The following GAR1 variants were observed in gnomAD, a reference collection of about 807,000 sequenced individuals.
GAR1 encodes the protein H/ACA ribonucleoprotein complex subunit 1.
GAR1 carries 11 observed loss-of-function variants against 29.3 expected under a neutral mutation model. The ratio of observed to expected loss-of-function variants is 0.38; its 90% confidence interval spans 0.24 to 0.62. The LOEUF (loss-of-function observed/expected upper bound fraction) is 0.62, where lower values mean the gene tolerates loss of function less well. Among genes scored for constraint, GAR1 ranks in the 20% least tolerant of loss-of-function variants. GAR1 has a pLI of 0.62. For missense variants in GAR1, 237 were observed against 268.4 expected, an observed-to-expected ratio of 0.88 and a Z score of 0.82; for synonymous variants, 87 against 93.3, an observed-to-expected ratio of 0.93 and a Z score of 0.39.
chr4:109,819,057 GA>G lies in GAR1; in HGVS notation c.428del (p.Lys143SerfsTer4). 1.4e-6 allele frequency: 2 copies of G among 1,476,134 alleles called. No homozygotes were observed. The highest frequency in any genetic ancestry group is 1.9e-6 in the Non-Finnish European group (2 of 1,055,104). The allele number at this position is 1,476,134 out of a possible 1,614,324, so 91.4% of individuals were successfully genotyped here. ...AGGCTTCATCCTTTAAAAAACTACAGAAGGTGAGTCAAACTTATGATACTTG... is the reference window on the plus strand; with the variant it reads ...AGGCTTCATCCTTTAAAAAACTACAGAGGTGAGTCAAACTTATGATACTTG... ...MKASSFKKLQ[K>X]FYIDPYKLLP... On this transcript the variant is annotated frameshift_variant and splice_region_variant, in exon 4 of 7. Transcript: ENST00000226796. LOFTEE classifies it high-confidence loss of function.
At chr4:109,818,234 G>A (rs1007542869) in intron 3 of GAR1, 144 bp downstream of exon 3, 9 of 628,850 alleles carry the variant, frequency 1.4e-5, no homozygotes, top group African/African-American at 5.5e-5. Flanking sequence ...GGAGAATCAA[G>A]GGGAGAATGT....
chr4:109,822,214 C>T, intron 4 of GAR1, 133 bp from the exon 5 acceptor site: 2 of 539,140 alleles, frequency 3.7e-6, no homozygotes, highest in Non-Finnish European at 6.5e-6. Context: ...AGTCTCTACC[C>T]AGGGATATGT....
rs769180978 is a variant in GAR1 at position 109,823,989 on chromosome 4, G to T, written c.596G>T (p.Gly199Val). Residue 199 changes from glycine to valine, a missense_variant, in exon 6 of 7, where the codon GGT becomes GTT. Physicochemically the swap from Gly to Val is moderately radical, Grantham distance 109 (BLOSUM62 -3). Coordinates refer to ENST00000226796, the MANE Select transcript of GAR1 (RefSeq NM_018983.4). ...RGGGFRGGRG[G>V]GGGGFRGGRG... ...GGTGGTTTTAGAGGTGGAAGAGGAG[G>T]TGGAGGTGGGGGCTTCAGAGGAGGA... 6.2e-7 allele frequency: 1 copy of T among 1,607,140 alleles called. No homozygotes were observed. Among genetic ancestry groups the T allele is most frequent in the South Asian group, 1.1e-5 (1 of 90,214 alleles).
intron 1 of GAR1, 116 bp from the exon 2 acceptor site, chr4:109,816,037 G>C (rs1385867587): frequency 1.0e-6 from 1 of 958,312 alleles, no homozygotes; most frequent in Non-Finnish European, 1.7e-6. Context: ...GACCGTGGGT[G>C]AGGTGACAGG....
chr4:109,820,202 C>A (rs1733475716), intron 4 of GAR1, among the ~76,000 whole-genome samples: 1 of 152,054 alleles, frequency 6.6e-6, no homozygotes, highest in Non-Finnish European at 1.5e-5. Flanking sequence ...ATCAATAGGA[C>A]TTGGTAATTG....
rs367967215 is a variant in GAR1, at chr4:109,824,126, C to T, written c.640+93C>T. The T allele has an allele frequency of 5.0e-5, 44 of 872,234 alleles. No homozygotes were observed. The East Asian group carries it at 9.6e-4, about 19-fold the overall frequency. 54.0% of individuals were successfully genotyped at this position (872,234 alleles called of 1,614,324 possible). ...TTTACTTAAGTTTAATTTTCTCTGC[C>T]AGCAAGTATATAGAACACCATGGTG... On this transcript the variant is annotated intron_variant, in intron 6 of 6. Coordinates refer to ENST00000226796, the MANE Select transcript of GAR1 (RefSeq NM_018983.4).
chr4:109,824,364 A>G, intron 6 of GAR1, 54 bp from the exon 7 acceptor site: 8 of 1,186,868 alleles, frequency 6.7e-6, no homozygotes, highest in Non-Finnish European at 1.0e-5. Context: ...AGGTTATAAT[A>G]CTATTAAAAA....
intron 6 of GAR1, 77 bp from the exon 7 acceptor site, chr4:109,824,341 A>C: frequency 1.0e-6 from 1 of 996,206 alleles, no homozygotes; most frequent in Non-Finnish European, 1.6e-6. Context: ...TGCTGATTTT[A>C]AACTTGAGAT....
chr4:109,815,775 A>G lies in GAR1; in HGVS notation c.-42A>G. On this transcript the variant is annotated 5_prime_UTR_variant, in exon 1 of 7. Transcript: ENST00000226796. ...TACCCCGCGGGTGGGTGTGTGCGCA[A>G]GGCCAGGGCCAGAGGGGCACGTGGC... 4.7e-6 allele frequency: 1 copy of G among 211,782 alleles called. No homozygotes were observed. The highest frequency in any genetic ancestry group is 9.5e-6 in the Non-Finnish European group (1 of 105,016). The allele number at this position is 211,782 out of a possible 1,614,324, so 13.1% of individuals were successfully genotyped here. A position where few individuals can be genotyped will look rare whatever the true frequency, so the allele number is the denominator to read the frequency against.
chr4:109,821,950 C>T (rs1383107210), intron 4 of GAR1, among the ~76,000 whole-genome samples: 1 of 151,328 alleles, frequency 6.6e-6, no homozygotes, highest in Non-Finnish European at 1.5e-5. Context: ...ACAGTGAGAA[C>T]ACATGGACAC....
At position 109,824,035 on chromosome 4, in the gene GAR1, T is replaced by G. The variant is rs775288620; in HGVS notation, c.640+2T>G. Reference sequence around the variant, plus strand: ...GAGGAAGAGGTGGTGGTTTCAGAGGTGAGTATTTTAAAAAGTCTTTAAATT... The same window carrying G: ...GAGGAAGAGGTGGTGGTTTCAGAGGGGAGTATTTTAAAAAGTCTTTAAATT... On this transcript the variant is annotated splice_donor_variant, in intron 6 of 6. Transcript: ENST00000226796. LOFTEE classifies it high-confidence loss of function. The G allele has an allele frequency of 3.2e-6, 5 of 1,585,600 alleles. No individual in the cohort carries two copies. Among genetic ancestry groups the G allele is most frequent in the African/African-American group, 1.3e-5 (1 of 74,260 alleles).
At chr4:109,820,708 G>A (rs1237940024) in intron 4 of GAR1, among the ~76,000 whole-genome samples, 1 of 152,176 alleles carries the variant, frequency 6.6e-6, no homozygotes, top group African/African-American at 2.4e-5. Context: ...ATAGACATCA[G>A]GGAGTCATGG....
chr4:109,816,103 ACTCAGAGG>A, intron 1 of GAR1, 42 bp from the exon 2 acceptor site: 1 of 1,537,102 alleles, frequency 6.5e-7, no homozygotes, highest in Non-Finnish European at 9.0e-7. Flanking sequence ...GTTGGAGTAT[ACTCAGAGG>A]CTACAGTGAT....
rs1340820823 is a variant in GAR1, at chr4:109,824,034, G to A, written c.640+1G>A. 4 of 1,588,030 alleles carry A rather than the reference G, an allele frequency of 2.5e-6. No individual in the cohort carries two copies. Among genetic ancestry groups the A allele is most frequent in the Non-Finnish European group, 2.6e-6 (3 of 1,159,348 alleles). On this transcript the variant is annotated splice_donor_variant, in intron 6 of 6. Transcript: ENST00000226796. LOFTEE classifies it high-confidence loss of function. ...GGAGGAAGAGGTGGTGGTTTCAGAG[G>A]TGAGTATTTTAAAAAGTCTTTAAAT...
At chr4:109,821,083 T>G (rs1560580448) in intron 4 of GAR1, among the ~76,000 whole-genome samples, 1 of 152,200 alleles carries the variant, frequency 6.6e-6, no homozygotes, top group South Asian at 2.1e-4. Context: ...CCATACCCCC[T>G]GCTATGTTGA....
chr4:109,824,270 G>A lies in GAR1; in HGVS notation c.641-148G>A, dbSNP rs1027601790. 10 of 629,784 alleles carry A rather than the reference G, an allele frequency of 1.6e-5. 1 individual carries two copies. Among genetic ancestry groups the A allele is most frequent in the East Asian group, 5.6e-5 (2 of 35,926 alleles). 39.0% of individuals were successfully genotyped at this position (629,784 alleles called of 1,614,324 possible). A position where few individuals can be genotyped will look rare whatever the true frequency, so the allele number is the denominator to read the frequency against. On this transcript the variant is annotated intron_variant, in intron 6 of 6. Coordinates refer to ENST00000226796, the MANE Select transcript of GAR1 (RefSeq NM_018983.4). ...TTTATTATTAATTTGAAAAATAAAG[G>A]TGTAATATGAATGACAGTTAAATTT...
intron 5 of GAR1, 28 bp downstream of exon 5, chr4:109,822,516 G>A: frequency 6.3e-7 from 1 of 1,580,298 alleles, no homozygotes; most frequent in Non-Finnish European, 8.6e-7. Flanking sequence ...AATTTCTAAT[G>A]AAATTAACTG....
chr4:109,816,561 T>C (rs995698253), intron 2 of GAR1, among the ~76,000 whole-genome samples, 183 bp downstream of exon 2: 1 of 152,020 alleles, frequency 6.6e-6, no homozygotes, highest in African/African-American at 2.4e-5. Flanking sequence ...AACTTGAGGG[T>C]TGACAGGAAG....
At chr4:109,821,867 A>G (rs1733522545) in intron 4 of GAR1, among the ~76,000 whole-genome samples, 1 of 152,146 alleles carries the variant, frequency 6.6e-6, no homozygotes, top group African/African-American at 2.4e-5. Context: ...TTTACAGATA[A>G]GGAAACTAAG....
Sources: allele counts gnomAD v4.1 joint callset (sites outside exome capture counted in the v4.1 genomes callset), GRCh38; gene constraint gnomAD v4.1.1; transcripts MANE v1.5; gene names NCBI Gene and HGNC (gene_info 2026-07-23, HGNC 2026-07-21).